EXOC4: variants seen among roughly 807,000 people sequenced by gnomAD.
EXOC4 encodes SEC8-like 1.
In EXOC4, 71 loss-of-function variants were observed where a neutral mutation model predicts 107.2. The ratio of observed to expected loss-of-function variants is 0.66; its 90% CI spans 0.55 to 0.81. The LOEUF (loss-of-function observed/expected upper bound fraction) is 0.81, where lower values mean the gene tolerates loss of function less well. EXOC4 is among the 30% of genes least tolerant of loss of function. The pLI is 0.00. For synonymous variants in EXOC4, 456 were observed against 441.2 expected, an observed-to-expected ratio of 1.03 and a Z score of -0.42; for missense variants, 1,108 against 1,189.6, an observed-to-expected ratio of 0.93 and a Z score of 1.01.
chr7:133,291,383 A>ATTT (rs372299756), intron 3 of EXOC4, among the ~76,000 whole-genome samples: 3 of 132,482 alleles, frequency 2.3e-5, no homozygotes, highest in Admixed American at 7.5e-5. Context: ...TTGTTATGTG[A>ATTT]TTTTTTTTTT....
chr7:133,818,902 T>C (rs1797439587), intron 11 of EXOC4, among the ~76,000 whole-genome samples: 1 of 151,018 alleles, frequency 6.6e-6, no homozygotes, highest in South Asian at 2.1e-4. Flanking sequence ...GTGGACTGTG[T>C]CATGGAGGCC....
intron 10 of EXOC4, among the ~76,000 whole-genome samples, chr7:133,638,697 A>C (rs1427064081): frequency 1.3e-5 from 2 of 151,940 alleles, no homozygotes; most frequent in Non-Finnish European, 2.9e-5. Flanking sequence ...AGTATAACTT[A>C]ACTCTTCCAG....
intron 3 of EXOC4, 147 bp downstream of exon 3, chr7:133,289,263 T>A: frequency 1.6e-6 from 1 of 608,196 alleles, no homozygotes; most frequent in Non-Finnish European, 2.8e-6. Context: ...CCTGGGTATT[T>A]CTCTAATTCC....
chr7:133,540,538 C>G (rs1448969273), intron 9 of EXOC4, among the ~76,000 whole-genome samples: 1 of 152,138 alleles, frequency 6.6e-6, no homozygotes, highest in Non-Finnish European at 1.5e-5. Flanking sequence ...GCTAAGTTGC[C>G]TTTTTATTCA....
chr7:133,272,650 A>G (rs1584766853), intron 1 of EXOC4, among the ~76,000 whole-genome samples: 3 of 152,114 alleles, frequency 2.0e-5, no homozygotes, highest in Admixed American at 2.0e-4. Flanking sequence ...ATTTTTCACT[A>G]AAGACAAAAT....
intron 9 of EXOC4, among the ~76,000 whole-genome samples, chr7:133,553,153 A>G (rs1800623561): frequency 6.6e-6 from 1 of 152,218 alleles, no homozygotes; most frequent in Non-Finnish European, 1.5e-5. Context: ...TAGGATGATT[A>G]TGAGAATCAA....
intron 7 of EXOC4, among the ~76,000 whole-genome samples, chr7:133,385,083 T>C (rs73148951): frequency 0.014 from 2,101 of 152,278 alleles, 29 homozygotes; most frequent in Admixed American, 0.017. Flanking sequence ...GCAGCAGCGT[T>C]GTCTCAGGGT....
chr7:133,312,374 G>A (rs1794892947), intron 4 of EXOC4, among the ~76,000 whole-genome samples: 1 of 152,130 alleles, frequency 6.6e-6, no homozygotes, highest in South Asian at 2.1e-4. Context: ...ATATTTGTAT[G>A]TGTATAGAAA....
At chr7:134,072,810 T>C in the EXOC4 span, among the ~76,000 whole-genome samples, 1 of 152,100 alleles carries the variant, frequency 6.6e-6, no homozygotes, top group African/African-American at 2.4e-5. Context: ...ACAAATAATA[T>C]CCTGTCTGTT....
chr7:133,865,706 C>A (rs938169644), intron 11 of EXOC4, among the ~76,000 whole-genome samples: 1 of 152,138 alleles, frequency 6.6e-6, no homozygotes, highest in African/African-American at 2.4e-5. Context: ...GCACATCTTA[C>A]CATTGCAGAG....
chr7:133,975,395 C>T (rs1045856047), intron 14 of EXOC4, among the ~76,000 whole-genome samples: 2 of 151,838 alleles, frequency 1.3e-5, no homozygotes, highest in Admixed American at 6.6e-5. Flanking sequence ...CAGAGAGAAA[C>T]ACTTGGAGAC....
chr7:133,804,016 C>T (rs1278128896), intron 10 of EXOC4, among the ~76,000 whole-genome samples: 1 of 152,140 alleles, frequency 6.6e-6, no homozygotes, highest in Non-Finnish European at 1.5e-5. Flanking sequence ...TTTGTTATGT[C>T]GAAATCCTGA....
intron 12 of EXOC4, among the ~76,000 whole-genome samples, chr7:133,901,206 A>G (rs773881498): frequency 6.6e-6 from 1 of 152,154 alleles, no homozygotes; most frequent in Admixed American, 6.5e-5. Context: ...ATTTCAGCCT[A>G]TTGAGATATT....
At chr7:133,581,776 A>T (rs1263583864) in intron 9 of EXOC4, among the ~76,000 whole-genome samples, 2 of 151,310 alleles carry the variant, frequency 1.3e-5, no homozygotes, top group East Asian at 3.9e-4. Flanking sequence ...AAAAAAAAAA[A>T]AAAGAATGAC....
intron 14 of EXOC4, among the ~76,000 whole-genome samples, chr7:133,949,172 T>G (rs1800628228): frequency 6.6e-6 from 1 of 152,210 alleles, no homozygotes; most frequent in South Asian, 2.1e-4. Flanking sequence ...AGTCATGCAT[T>G]CAGGGAGAGG....
intron 10 of EXOC4, among the ~76,000 whole-genome samples, chr7:133,744,199 G>A (rs372942535): frequency 3.9e-5 from 6 of 152,068 alleles, no homozygotes; most frequent in African/African-American, 1.4e-4. Context: ...GTAGATATGG[G>A]GCATATTATA....
At chr7:133,768,712 T>C (rs1408641311) in intron 10 of EXOC4, among the ~76,000 whole-genome samples, 1 of 151,950 alleles carries the variant, frequency 6.6e-6, no homozygotes, top group Non-Finnish European at 1.5e-5. Flanking sequence ...AGGAGAGATG[T>C]TCAGTTCAAT....
At chr7:133,734,671 C>G (rs901903280) in intron 10 of EXOC4, among the ~76,000 whole-genome samples, 1 of 152,016 alleles carries the variant, frequency 6.6e-6, no homozygotes, top group Non-Finnish European at 1.5e-5. Context: ...TTTTTGAGCA[C>G]TGACATGACA....
intron 14 of EXOC4, among the ~76,000 whole-genome samples, chr7:133,942,714 A>G (rs778008270): frequency 2.0e-5 from 3 of 152,160 alleles, no homozygotes; most frequent in Non-Finnish European, 4.4e-5. Context: ...CCGTATTCCT[A>G]TTAAACCATT....
Sources: allele counts gnomAD v4.1 joint callset (sites outside exome capture counted in the v4.1 genomes callset), GRCh38; gene constraint gnomAD v4.1.1; transcripts MANE v1.5; gene names NCBI Gene and HGNC (gene_info 2026-07-23, HGNC 2026-07-21).